Variants in EML1 observed in about 807,000 individuals in gnomAD.
The protein encoded by EML1 is EMAP like 1.
Under a neutral mutation model 110.4 loss-of-function variants are expected in EML1, and 27 were observed. The observed-to-expected ratio is 0.24, with a 90% CI of 0.18 to 0.34. The LOEUF (loss-of-function observed/expected upper bound fraction) is 0.34. EML1 is among the 10% of genes least tolerant of loss of function. The probability of loss-of-function intolerance (pLI) is 1.00; values close to 1 mark genes in which losing one functional copy is unlikely to be tolerated. For synonymous variants in EML1, 344 were observed against 385.8 expected, an observed-to-expected ratio of 0.89 and a Z score of 1.27; for missense variants, 741 against 1,030.9, an observed-to-expected ratio of 0.72 and a Z score of 3.85.
At chr14:99,819,993 C>A (rs1367639262) in intron 1 of EML1, among the ~76,000 whole-genome samples, 2 of 152,186 alleles carry the variant, frequency 1.3e-5, no homozygotes, top group Non-Finnish European at 2.9e-5. Flanking sequence ...TCACCTAGGC[C>A]ACCAATTAAT....
intron 17 of EML1, among the ~76,000 whole-genome samples, chr14:99,924,993 T>G (rs1227002150): frequency 6.6e-6 from 1 of 152,174 alleles, no homozygotes; most frequent in Non-Finnish European, 1.5e-5. Context: ...TATTAAGGAT[T>G]TTTGCCTCCA....
At chr14:99,770,778 G>GGTTTTTTTTTT (rs1198007774), upstream of EML1, among the ~76,000 whole-genome samples, 1 of 79,544 alleles carries the variant, frequency 1.3e-5, no homozygotes, top group Non-Finnish European at 2.5e-5. Flanking sequence ...AGTTTCCGCT[G>GGTTTTTTTTTT]ATTTTTTTTT....
chr14:99,866,438 C>T (rs1204751969), intron 3 of EML1, among the ~76,000 whole-genome samples: 1 of 152,070 alleles, frequency 6.6e-6, no homozygotes, highest in Non-Finnish European at 1.5e-5. Flanking sequence ...AGCGTGGTGG[C>T]ACATGCCTGT....
rs2140062128 is a variant in EML1 at position 99,914,315 on chromosome 14, A to G, written c.1620+11A>G. ...ACACCCATTACTCAGGTACGATCCC[A>G]CTCAGCAGGCCCGGCAAACACTCTC... On this transcript the variant is annotated intron_variant, in intron 14 of 21. Coordinates refer to ENST00000262233, the MANE Select transcript of EML1 (RefSeq NM_004434.3). The G allele has an allele frequency of 1.9e-6, 3 of 1,602,350 alleles. No homozygotes were observed. Among genetic ancestry groups the G allele is most frequent in the Non-Finnish European group, 1.7e-6 (2 of 1,170,818 alleles).
At chr14:99,836,890 C>A (rs1288617922) in intron 1 of EML1, among the ~76,000 whole-genome samples, 2 of 152,100 alleles carry the variant, frequency 1.3e-5, no homozygotes, top group Non-Finnish European at 2.9e-5. Context: ...GAGTCCTCTC[C>A]TTCCATGAGG....
In EML1 at chr14:99,857,244, C is replaced by T. The variant is rs1309978962; in HGVS notation, c.250+6209C>T. Reference sequence around the variant, plus strand: ...CCGAGGTCACACACTGCACTTCAGCCTGGGCAACAGGGCAAGACTCTGTCT... The same window carrying T: ...CCGAGGTCACACACTGCACTTCAGCTTGGGCAACAGGGCAAGACTCTGTCT... On this transcript the variant is annotated intron_variant, in intron 2 of 21. Transcript: ENST00000262233. 2.0e-5 allele frequency among the ~76,000 whole-genome samples: 3 copies of T among 151,488 alleles called. No homozygotes were observed. In the South Asian group the frequency reaches 6.3e-4, roughly 32 times the overall value.
chr14:99,887,248 C>A (rs2059494565), intron 4 of EML1, among the ~76,000 whole-genome samples: 1 of 152,240 alleles, frequency 6.6e-6, no homozygotes, highest in Non-Finnish European at 1.5e-5. Flanking sequence ...CTCAAGGGAG[C>A]ATACAGCCGA....
chr14:99,877,629 C>T (rs2059314507), intron 3 of EML1, among the ~76,000 whole-genome samples: 1 of 152,222 alleles, frequency 6.6e-6, no homozygotes, highest in Admixed American at 6.5e-5. Context: ...TTAACATGGA[C>T]ACCACCTCCA....
chr14:99,914,604 C>A lies in EML1; in HGVS notation c.1659C>A (p.Ala553=). The A allele has an allele frequency of 6.2e-7, 1 of 1,610,412 alleles. No individual in the cohort carries two copies. The highest frequency in any genetic ancestry group is 1.7e-5 in the Admixed American group (1 of 58,624). ...TDELWGLAIH[A]SKSQFLTCGH... ...AGCTCTGGGGACTGGCCATCCATGC[C>A]TCAAAATCTCAGTTCTTGACCTGTG... Residue 553 remains alanine, a synonymous_variant, in exon 15 of 22, where the codon GCC becomes GCA. Coordinates refer to ENST00000262233, the MANE Select transcript of EML1 (RefSeq NM_004434.3).
chr14:99,832,098 A>G (rs906111083), intron 1 of EML1, among the ~76,000 whole-genome samples: 3 of 151,804 alleles, frequency 2.0e-5, no homozygotes, highest in African/African-American at 7.3e-5. Flanking sequence ...ATTAGTTTGC[A>G]TTTTGTGTAA....
At chr14:99,892,195 G>C (rs1464757822) in intron 5 of EML1, 18 of 985,324 alleles carry the variant, frequency 1.8e-5, no homozygotes, top group Non-Finnish European at 2.0e-5. Context: ...ACACTGCAAA[G>C]GTAGGCAGCA....
chr14:99,871,968 C>T (rs1305232393), intron 3 of EML1, among the ~76,000 whole-genome samples: 1 of 152,200 alleles, frequency 6.6e-6, no homozygotes, highest in East Asian at 1.9e-4. Flanking sequence ...CGGCTGCTTC[C>T]CGCACAGATT....
intron 4 of EML1, among the ~76,000 whole-genome samples, chr14:99,885,011 T>C (rs918676364): frequency 6.6e-6 from 1 of 152,262 alleles, no homozygotes; most frequent in African/African-American, 2.4e-5. Flanking sequence ...TCTGTGACTC[T>C]GTAGCTCTCC....
rs543760128 is a variant in EML1, at chr14:99,827,700, G to A, written c.68-23153G>A. ...ACCTGAAAGGGAGAAGACGGCCAGC[G>A]AGAGAGGCCTCAGAAGAAACGAACC... is the stretch of plus-strand genomic sequence containing the variant. On this transcript the variant is annotated intron_variant, in intron 1 of 21. Coordinates refer to ENST00000262233, the MANE Select transcript of EML1 (RefSeq NM_004434.3). This position sits in a 1 kb window ranked among gnomAD's most constrained non-coding sequence, Gnocchi z 4.4. Among the ~76,000 whole-genome samples, 8 of 152,252 alleles carry A rather than the reference G, an allele frequency of 5.3e-5. No homozygotes were observed. The South Asian group carries it at 1.2e-3, about 24-fold the overall frequency.
At chr14:99,904,546 CTTATTA>C (rs149341489) in intron 9 of EML1, among the ~76,000 whole-genome samples, 39,761 of 151,704 alleles carry the variant, frequency 0.26, 5,725 homozygotes, top group Non-Finnish European at 0.33. Context: ...TTGATTTAAG[CTTATTA>C]TTATTATTAC....
rs1257312533 is a variant in EML1, at chr14:99,739,096, G to C, written c.28+1236G>C. On this transcript the variant is annotated intron_variant, in intron 1 of 10. Transcript: ENST00000554479. ...TGTGTGTGTGTGTGTGTGTGTGAGA[G>C]AGAGAGACAGAGAGAGAGAGAGAGT... Among the ~76,000 whole-genome samples the C allele has an allele frequency of 7.4e-3, 876 of 117,940 alleles. 11 individuals are homozygous for C. Among genetic ancestry groups the C allele is most frequent in the African/African-American group, 0.026 (828 of 31,420 alleles). The allele number at this position is 117,940 out of a possible 152,430, so 77.4% of individuals were successfully genotyped here. A position where few individuals can be genotyped will look rare whatever the true frequency, so the allele number is the denominator to read the frequency against.
upstream of EML1, among the ~76,000 whole-genome samples, chr14:99,768,465 G>A (rs966367701): frequency 6.6e-6 from 1 of 152,128 alleles, no homozygotes; most frequent in African/African-American, 2.4e-5. Flanking sequence ...GGGCACAGGC[G>A]CAGAGACACA....
At chr14:99,803,323 G>T (rs139229129) in intron 1 of EML1, among the ~76,000 whole-genome samples, 1 of 152,166 alleles carries the variant, frequency 6.6e-6, no homozygotes, top group Admixed American at 6.5e-5. Flanking sequence ...TTGAAACAAC[G>T]TGTATCAATG....
intron 11 of EML1, 96 bp from the exon 12 acceptor site, chr14:99,910,146 A>G (rs2059922641): frequency 1.1e-6 from 1 of 892,540 alleles, no homozygotes; most frequent in African/African-American, 1.7e-5. Flanking sequence ...GACCACTGCG[A>G]ATCTAGATGT....
Sources: gnomAD v4.1 joint callset for allele counts (sites outside exome capture counted in the v4.1 genomes callset) on GRCh38, gnomAD v4.1.1 for gene constraint, Gnocchi (gnomAD v3.1) non-coding constraint, MANE v1.5 for transcripts, NCBI Gene and HGNC (gene_info 2026-07-23, HGNC 2026-07-21) for gene names.